The following ATP11B variants were observed in gnomAD, a reference collection of about 807,000 sequenced individuals.
The protein encoded by ATP11B is phospholipid-transporting ATPase IF.
Under a neutral mutation model 157.8 loss-of-function variants are expected in ATP11B, and 81 were observed. That is an observed-to-expected ratio of 0.51 (90% CI 0.43 to 0.62). The LOEUF (loss-of-function observed/expected upper bound fraction) is 0.62. Ranked by LOEUF, ATP11B falls within the 20% of genes least tolerant of loss-of-function variation. The pLI, the probability that ATP11B is intolerant of heterozygous loss-of-function variation, is 0.00. For synonymous variants in ATP11B, 451 were observed against 469.4 expected (o/e 0.96, Z 0.51); for missense variants, 1,165 against 1,402.2 (o/e 0.83, Z 2.70).
intron 1 of ATP11B, among the ~76,000 whole-genome samples, chr3:182,819,899 T>C (rs1717219511): frequency 6.6e-6 from 1 of 152,206 alleles, no homozygotes; most frequent in Non-Finnish European, 1.5e-5. Flanking sequence ...TGTCCTCAAA[T>C]ACTTCTATAG....
At chr3:182,909,671 T>G (rs1176855077) in intron 28 of ATP11B, among the ~76,000 whole-genome samples, 1 of 152,106 alleles carries the variant, frequency 6.6e-6, no homozygotes, top group Non-Finnish European at 1.5e-5. Flanking sequence ...ATCAAAGATG[T>G]ATATATGGGA....
rs1715387153 is a variant in ATP11B at position 182,793,660 on chromosome 3, G to A, written c.-100G>A. ...GGCGGCGGCGGTAAGCGGAACTTCG[G>A]CCCGAGGGGCTCGCCCGCTCCCGCC... On this transcript the variant is annotated 5_prime_UTR_variant, in exon 1 of 30. Coordinates refer to ENST00000323116, the MANE Select transcript of ATP11B (RefSeq NM_014616.3). 4 of 737,212 alleles carry A rather than the reference G, an allele frequency of 5.4e-6. No homozygotes were observed. Among genetic ancestry groups the A allele is most frequent in the Non-Finnish European group, 2.0e-6 (1 of 506,618 alleles). 45.7% of individuals were successfully genotyped at this position (737,212 alleles called of 1,614,324 possible).
At chr3:182,805,477 G>T (rs1273612351) in intron 1 of ATP11B, among the ~76,000 whole-genome samples, 3 of 150,478 alleles carry the variant, frequency 2.0e-5, no homozygotes, top group African/African-American at 7.3e-5. Context: ...CTTTTGAGAC[G>T]GAGTTTCACT....
chr3:182,913,363 A>G (rs1306406887), intron 28 of ATP11B, among the ~76,000 whole-genome samples: 1 of 152,176 alleles, frequency 6.6e-6, no homozygotes, highest in Non-Finnish European at 1.5e-5. Flanking sequence ...GTTGTTACTG[A>G]ACATTGGGGT....
At chr3:182,804,458 C>T (rs1053529940) in intron 1 of ATP11B, among the ~76,000 whole-genome samples, 13 of 152,042 alleles carry the variant, frequency 8.6e-5, no homozygotes, top group African/African-American at 2.9e-4. Flanking sequence ...TGGTCTTGAT[C>T]TCCTGGCCTC....
chr3:182,818,786 G>C (rs770507157), intron 1 of ATP11B, among the ~76,000 whole-genome samples: 1 of 151,982 alleles, frequency 6.6e-6, no homozygotes, highest in Non-Finnish European at 1.5e-5. Flanking sequence ...AATTACTTAC[G>C]TAGTAGGTTA....
intron 8 of ATP11B, among the ~76,000 whole-genome samples, chr3:182,845,204 A>G (rs2108519259): frequency 1.3e-5 from 2 of 151,930 alleles, no homozygotes; most frequent in Middle Eastern, 3.4e-3. Context: ...ACGGGGTTTC[A>G]CCATGTTGCC....
Position 182,837,133 on chromosome 3 carries a change from A to T in ATP11B, c.615A>T (p.Val205=), listed in dbSNP as rs753703321. ...CAGTTGCCAATTTGGACACTCTAGT[A>T]GCTGTAATAGAATGCCAGCAACCAG... The part of the protein sequence containing the change: ...LQTVANLDTL[V]AVIECQQPEA... Residue 205 remains valine (V), a synonymous_variant, in exon 7 of 30, where the codon GTA becomes GTT. Transcript: ENST00000323116. 1.1e-5 allele frequency: 17 copies of T among 1,613,448 alleles called. No homozygotes were observed. The highest frequency in any genetic ancestry group is 1.4e-5 in the Non-Finnish European group (16 of 1,179,548).
chr3:182,794,035 G>A (rs567251242), intron 1 of ATP11B, among the ~76,000 whole-genome samples: 412 of 152,242 alleles, frequency 2.7e-3, no homozygotes, highest in Non-Finnish European at 4.3e-3. Flanking sequence ...TCTAGCCGGC[G>A]CTTCTCCGTT....
intron 28 of ATP11B, among the ~76,000 whole-genome samples, chr3:182,899,150 A>ATTT (rs34492261): frequency 7.8e-6 from 1 of 128,354 alleles, no homozygotes; most frequent in Non-Finnish European, 1.6e-5. Flanking sequence ...AATTTGAGTA[A>ATTT]TTTTTTTTTT....
intron 1 of ATP11B, 43 bp downstream of exon 1, chr3:182,793,829 G>T (rs1300880493): frequency 4.0e-6 from 5 of 1,247,800 alleles, no homozygotes; most frequent in Non-Finnish European, 5.1e-6. Context: ...CCGCCCCCGC[G>T]GGGCCTCTCG....
chr3:182,859,399 T>C (rs1170113135), intron 12 of ATP11B, 40 bp downstream of exon 12: 1 of 1,486,370 alleles, frequency 6.7e-7, no homozygotes, highest in Admixed American at 2.3e-5. Context: ...TAATTTGTTA[T>C]TTTTATCAAA....
intron 9 of ATP11B, among the ~76,000 whole-genome samples, chr3:182,846,012 G>A (rs1413499662): frequency 2.6e-5 from 4 of 152,182 alleles, no homozygotes; most frequent in Non-Finnish European, 5.9e-5. Flanking sequence ...TCTTGCCTTG[G>A]AGATGGATCA....
At chr3:182,797,641 AAGGTTGC>A (rs1715706813) in intron 1 of ATP11B, among the ~76,000 whole-genome samples, 2 of 152,092 alleles carry the variant, frequency 1.3e-5, no homozygotes, top group African/African-American at 4.8e-5. Context: ...GTGGGAGGCA[AAGGTTGC>A]AGTAAGCCAA....
intron 26 of ATP11B, among the ~76,000 whole-genome samples, 200 bp from the exon 27 acceptor site, chr3:182,897,103 G>T (rs748173324): frequency 1.3e-5 from 2 of 151,940 alleles, no homozygotes; most frequent in Non-Finnish European, 2.9e-5. Context: ...CCTCAAAGAA[G>T]AAAAACATTA....
intron 28 of ATP11B, among the ~76,000 whole-genome samples, chr3:182,903,778 G>T (rs908647425): frequency 6.6e-6 from 1 of 152,098 alleles, no homozygotes; most frequent in Non-Finnish European, 1.5e-5. Flanking sequence ...ACATTTTTGA[G>T]CATCTAATTG....
chr3:182,848,636 T>G (rs1719726639), intron 10 of ATP11B, 79 bp downstream of exon 10: 8 of 550,074 alleles, frequency 1.5e-5, no homozygotes, highest in Non-Finnish European at 2.1e-5. Context: ...ATATTATATA[T>G]ATAATATATA....
chr3:182,808,711 A>AT (rs1449312114), intron 1 of ATP11B, among the ~76,000 whole-genome samples: 6 of 152,022 alleles, frequency 3.9e-5, no homozygotes, highest in Non-Finnish European at 5.9e-5. Flanking sequence ...TTTTTGAGTA[A>AT]TTTTTTTAAC....
intron 28 of ATP11B, among the ~76,000 whole-genome samples, chr3:182,906,567 C>G (rs889185261): frequency 9.9e-5 from 15 of 152,086 alleles, no homozygotes; most frequent in African/African-American, 2.7e-4. Flanking sequence ...CCCTCGACCC[C>G]TCTCCCCCAG....
Sources: gnomAD v4.1 joint callset for allele counts (sites outside exome capture counted in the v4.1 genomes callset) on GRCh38, gnomAD v4.1.1 for gene constraint, MANE v1.5 for transcripts, NCBI Gene and HGNC (gene_info 2026-07-23, HGNC 2026-07-21) for gene names.